Variants in RBFOX1 observed in about 807,000 individuals in gnomAD.
The protein encoded by RBFOX1 is RNA binding fox-1 homolog 1, also known as RNA binding protein fox-1 homolog 1.
A neutral mutation model predicts 57.7 loss-of-function variants in RBFOX1; 8 were observed. The observed-to-expected ratio is 0.14, with a 90% CI of 0.08 to 0.25. The LOEUF is 0.25. Ranked by LOEUF, RBFOX1 falls within the 10% of genes least tolerant of loss-of-function variation. The pLI is 1.00. For missense variants in RBFOX1, 611 were observed against 548.5 expected (o/e 1.11, Z -1.14); for synonymous variants, 326 against 222.4 (o/e 1.47, Z -4.15).
At chr16:6,755,167 G>A (rs546914179) in intron 3 of RBFOX1, among the ~76,000 whole-genome samples, 34 of 152,284 alleles carry the variant, frequency 2.2e-4, no homozygotes, top group African/African-American at 3.4e-4. Context: ...ATAAACATAC[G>A]TGTGCATGTG....
intron 1 of RBFOX1, among the ~76,000 whole-genome samples, chr16:6,165,451 G>C (rs930317761): frequency 6.6e-6 from 1 of 152,146 alleles, no homozygotes; most frequent in Non-Finnish European, 1.5e-5. Context: ...GCAGCACCTA[G>C]GAAGGAGCTA....
At chr16:6,462,610 T>G (rs1210422026) in intron 2 of RBFOX1, among the ~76,000 whole-genome samples, 2 of 152,188 alleles carry the variant, frequency 1.3e-5, no homozygotes, top group African/African-American at 4.8e-5. Flanking sequence ...ATTTTGGTAC[T>G]TTCTGTTGGC....
intron 3 of RBFOX1, among the ~76,000 whole-genome samples, chr16:5,860,884 G>A (rs1215378392): frequency 6.6e-6 from 1 of 152,140 alleles, no homozygotes; most frequent in African/African-American, 2.4e-5. Context: ...GTTCTTCTGG[G>A]CTTATTTGTG....
intron 1 of RBFOX1, among the ~76,000 whole-genome samples, chr16:5,465,013 C>T (rs1286333605): frequency 6.6e-6 from 1 of 152,156 alleles, no homozygotes; most frequent in African/African-American, 2.4e-5. Context: ...CCTTGAAAAC[C>T]ACAGACCATC....
intron 2 of RBFOX1, among the ~76,000 whole-genome samples, chr16:6,555,681 C>T (rs988007922): frequency 1.7e-4 from 26 of 151,600 alleles, no homozygotes; most frequent in Admixed American, 7.9e-4. Flanking sequence ...GCCTGGGCGA[C>T]AGAGCTAGAC....
chr16:5,933,447 GT>G (rs2059108339), intron 4 of RBFOX1, among the ~76,000 whole-genome samples: 1 of 152,156 alleles, frequency 6.6e-6, no homozygotes, highest in Non-Finnish European at 1.5e-5. Flanking sequence ...TCCTTGGCCC[GT>G]TTTGAGGGAT....
At chr16:7,200,190 A>G (rs1264090726) in intron 4 of RBFOX1, among the ~76,000 whole-genome samples, 4 of 152,218 alleles carry the variant, frequency 2.6e-5, no homozygotes, top group Non-Finnish European at 5.9e-5. Flanking sequence ...AATCCTAGGA[A>G]GTAGTGACTT....
chr16:7,105,068 G>A (rs1046092529), intron 4 of RBFOX1, among the ~76,000 whole-genome samples: 2 of 152,068 alleles, frequency 1.3e-5, no homozygotes, highest in African/African-American at 4.8e-5. Flanking sequence ...TCTTCTAGCT[G>A]AGCCCTTTGA....
intron 3 of RBFOX1, among the ~76,000 whole-genome samples, chr16:6,860,333 G>C (rs902011329): frequency 6.6e-6 from 1 of 152,134 alleles, no homozygotes. Flanking sequence ...AGTGTTTTTG[G>C]CTGGGGGTGG....
At chr16:5,707,791 A>C (rs143419924) in intron 3 of RBFOX1, among the ~76,000 whole-genome samples, 43 of 152,316 alleles carry the variant, frequency 2.8e-4, no homozygotes, top group African/African-American at 9.6e-4. Flanking sequence ...ATGGTGGAAT[A>C]CTTGCTGCTA....
At chr16:6,817,104 G>A (rs997662049) in intron 3 of RBFOX1, among the ~76,000 whole-genome samples, 3 of 152,052 alleles carry the variant, frequency 2.0e-5, no homozygotes, top group African/African-American at 4.8e-5. Flanking sequence ...GGTGACTGTG[G>A]ATACAGAACT....
At chr16:6,624,356 A>C (rs2098275004) in intron 2 of RBFOX1, among the ~76,000 whole-genome samples, 1 of 151,984 alleles carries the variant, frequency 6.6e-6, no homozygotes, top group East Asian at 1.9e-4. Flanking sequence ...AATTCTTGAC[A>C]TTTTTTTCTG....
intron 3 of RBFOX1, among the ~76,000 whole-genome samples, chr16:5,844,553 T>C (rs532160862): frequency 6.6e-6 from 1 of 152,294 alleles, no homozygotes; most frequent in African/African-American, 2.4e-5. Flanking sequence ...CAAAGATTCC[T>C]TCACTAACTA....
intron 5 of RBFOX1, among the ~76,000 whole-genome samples, chr16:7,567,959 A>G (rs940907654): frequency 2.6e-5 from 4 of 151,452 alleles, no homozygotes; most frequent in African/African-American, 9.7e-5. Context: ...TTTTTACAGT[A>G]TTGCCCAAGA....
At chr16:5,952,665 T>C (rs904429995) in intron 4 of RBFOX1, among the ~76,000 whole-genome samples, 2 of 152,206 alleles carry the variant, frequency 1.3e-5, no homozygotes, top group Non-Finnish European at 2.9e-5. Context: ...TAGCTGTAAT[T>C]AGTGATTCTC....
intron 3 of RBFOX1, among the ~76,000 whole-genome samples, chr16:6,946,887 G>C (rs891728951): frequency 6.6e-6 from 1 of 152,092 alleles, no homozygotes; most frequent in Non-Finnish European, 1.5e-5. Context: ...GGGATTATAG[G>C]TATGAGTCAC....
intron 2 of RBFOX1, among the ~76,000 whole-genome samples, chr16:6,328,631 A>G (rs180982148): frequency 1.3e-3 from 197 of 152,314 alleles, no homozygotes; most frequent in African/African-American, 4.5e-3. Flanking sequence ...TTCACTATGT[A>G]TGCAAAGTAG....
At chr16:7,532,315 G>T (rs2080299221) in intron 5 of RBFOX1, among the ~76,000 whole-genome samples, 2 of 152,138 alleles carry the variant, frequency 1.3e-5, no homozygotes, top group South Asian at 4.1e-4. Context: ...AAAAGGGGAA[G>T]AGACAACAGT....
At chr16:7,546,109 C>G (rs924748568) in intron 5 of RBFOX1, among the ~76,000 whole-genome samples, 1 of 151,400 alleles carries the variant, frequency 6.6e-6, no homozygotes, top group Non-Finnish European at 1.5e-5. Flanking sequence ...GGTGGATCAC[C>G]TGAGGTCAGG....
Sources: allele counts gnomAD v4.1 joint callset (sites outside exome capture counted in the v4.1 genomes callset), GRCh38; gene constraint gnomAD v4.1.1; transcripts MANE v1.5; gene names NCBI Gene and HGNC (gene_info 2026-07-23, HGNC 2026-07-21).